Variants in OPRM1 observed in about 807,000 individuals in gnomAD.
The protein encoded by OPRM1 is mu-type opioid receptor.
OPRM1 carries 27 observed loss-of-function variants against 31.8 expected under a neutral mutation model. That is an observed-to-expected ratio of 0.85 (90% CI 0.63 to 1.17). The LOEUF is 1.17. Ranked by LOEUF, OPRM1 falls within the 50% of genes most tolerant of loss-of-function variation. The pLI is 0.00. For missense variants in OPRM1, 536 were observed against 511.1 expected (o/e 1.05, Z -0.47); for synonymous variants, 196 against 189.9 (o/e 1.03, Z -0.26).
At chr6:154,209,382 G>A (rs1344213984) in intron 3 of OPRM1, among the ~76,000 whole-genome samples, 1 of 152,104 alleles carries the variant, frequency 6.6e-6, no homozygotes, top group Middle Eastern at 3.2e-3. Flanking sequence ...TGAGTGCAGT[G>A]GCTTACGCTT....
intron 3 of OPRM1, among the ~76,000 whole-genome samples, chr6:154,109,785 TCTC>T (rs1796125786): frequency 1.1e-5 from 1 of 94,930 alleles, no homozygotes; most frequent in Non-Finnish European, 2.5e-5. Context: ...TCTCTCTCTC[TCTC>T]TCTCTGTGTG....
At chr6:154,089,121 C>A (rs967125605) in intron 1 of OPRM1, among the ~76,000 whole-genome samples, 24 of 152,068 alleles carry the variant, frequency 1.6e-4, no homozygotes, top group Non-Finnish European at 2.4e-4. Flanking sequence ...TGTGTACATA[C>A]CTATAGACAC....
downstream of OPRM1, among the ~76,000 whole-genome samples, chr6:154,135,522 T>C (rs930052589): frequency 1.3e-5 from 2 of 151,984 alleles, no homozygotes; most frequent in African/African-American, 4.8e-5. Flanking sequence ...GATATAGATA[T>C]AGATATAGAT....
At chr6:154,016,829 AC>A in intron 1 of OPRM1, among the ~76,000 whole-genome samples, 1 of 152,346 alleles carries the variant, frequency 6.6e-6, no homozygotes, top group Middle Eastern at 3.4e-3. Flanking sequence ...GCAGAAAGAG[AC>A]GGAGTCTGGT....
chr6:154,103,039 T>G (rs1795092989), intron 3 of OPRM1, among the ~76,000 whole-genome samples: 1 of 151,704 alleles, frequency 6.6e-6, no homozygotes, highest in South Asian at 2.1e-4. Flanking sequence ...TGAGACACTA[T>G]TAAGAAAAAA....
intron 3 of OPRM1, among the ~76,000 whole-genome samples, chr6:154,200,995 C>T (rs750313811): frequency 6.6e-6 from 1 of 152,132 alleles, no homozygotes; most frequent in Non-Finnish European, 1.5e-5. Flanking sequence ...ATGCTGTTCT[C>T]ATGATAGTGA....
chr6:154,053,850 C>G (rs1224883634), intron 1 of OPRM1, among the ~76,000 whole-genome samples: 2 of 152,168 alleles, frequency 1.3e-5, no homozygotes, highest in African/African-American at 2.4e-5. Context: ...GAGTCCACTG[C>G]AAAATTTTAT....
intron 3 of OPRM1, chr6:154,093,649 CA>C: frequency 1.0e-6 from 1 of 999,136 alleles, no homozygotes; most frequent in Admixed American, 3.1e-5. Context: ...GAAGCAGTAT[CA>C]GTGTAAGATA....
intron 3 of OPRM1, among the ~76,000 whole-genome samples, chr6:154,216,626 T>C (rs1328033054): frequency 6.6e-6 from 1 of 152,174 alleles, no homozygotes; most frequent in Non-Finnish European, 1.5e-5. Flanking sequence ...TCCCAGCACT[T>C]TGGGAGGCCA....
At chr6:154,101,859 A>G (rs1321941997) in intron 3 of OPRM1, among the ~76,000 whole-genome samples, 2 of 152,226 alleles carry the variant, frequency 1.3e-5, no homozygotes, top group Non-Finnish European at 2.9e-5. Context: ...TGTAAATTTA[A>G]TTTTAAAATT....
intron 3 of OPRM1, among the ~76,000 whole-genome samples, chr6:154,181,438 G>A (rs1282419230): frequency 2.0e-5 from 3 of 152,138 alleles, no homozygotes; most frequent in Non-Finnish European, 2.9e-5. Flanking sequence ...ACAAACCTAG[G>A]TTGTGACTCC....
intron 3 of OPRM1, among the ~76,000 whole-genome samples, chr6:154,167,149 GAATCTATCA>G (rs1468481227): frequency 6.6e-6 from 1 of 152,176 alleles, no homozygotes; most frequent in Non-Finnish European, 1.5e-5. Flanking sequence ...TTCACTTACA[GAATCTATCA>G]AAGCTTTTCA....
At chr6:154,025,405 T>C (rs1778638419) in intron 1 of OPRM1, among the ~76,000 whole-genome samples, 1 of 152,040 alleles carries the variant, frequency 6.6e-6, no homozygotes, top group Non-Finnish European at 1.5e-5. Context: ...ATTGTCAGTG[T>C]ATATGTATCT....
intron 3 of OPRM1, among the ~76,000 whole-genome samples, chr6:154,245,786 G>A (rs1003699541): frequency 2.6e-5 from 4 of 152,154 alleles, no homozygotes; most frequent in African/African-American, 7.2e-5. Context: ...TTTGTGGAGA[G>A]CATTCCTCCT....
At chr6:154,101,567 A>G (rs1019401576) in intron 3 of OPRM1, among the ~76,000 whole-genome samples, 1 of 152,204 alleles carries the variant, frequency 6.6e-6, no homozygotes. Context: ...TCAACGTCTA[A>G]ATCTCAATAA....
chr6:154,188,109 T>A (rs1480262328), intron 3 of OPRM1, among the ~76,000 whole-genome samples: 1 of 152,152 alleles, frequency 6.6e-6, no homozygotes, highest in Non-Finnish European at 1.5e-5. Context: ...ATCATATACA[T>A]AAAAAAATTT....
chr6:154,220,269 T>G (rs963131218), intron 3 of OPRM1, among the ~76,000 whole-genome samples: 1 of 152,126 alleles, frequency 6.6e-6, no homozygotes, highest in African/African-American at 2.4e-5. Context: ...TCATGTGAAA[T>G]AATAAGAGAC....
intron 3 of OPRM1, among the ~76,000 whole-genome samples, chr6:154,170,285 T>C (rs893306789): frequency 1.3e-5 from 2 of 152,198 alleles, no homozygotes; most frequent in African/African-American, 4.8e-5. Context: ...AAGAACCAGC[T>C]TGAAAGAGGA....
chr6:154,012,247 A>G (rs1205209495), intron 1 of OPRM1, among the ~76,000 whole-genome samples: 6 of 152,204 alleles, frequency 3.9e-5, no homozygotes, highest in Admixed American at 2.6e-4. Flanking sequence ...AGAAATAAAC[A>G]TTAGTTTTCT....
Sources: allele counts gnomAD v4.1 joint callset (sites outside exome capture counted in the v4.1 genomes callset), GRCh38; gene constraint gnomAD v4.1.1; transcripts MANE v1.5; gene names NCBI Gene and HGNC (gene_info 2026-07-23, HGNC 2026-07-21).